Variants in RB1 observed in about 807,000 individuals in gnomAD.
RB1 encodes the protein retinoblastoma-associated protein.
RB1 carries 18 observed loss-of-function variants against 135.4 expected under a neutral mutation model. That is an observed-to-expected ratio of 0.13 (90% CI 0.09 to 0.20). The LOEUF (loss-of-function observed/expected upper bound fraction) is 0.20. RB1 is among the 10% of genes least tolerant of loss of function. The probability of loss-of-function intolerance (pLI) is 1.00; values close to 1 mark genes in which losing one functional copy is unlikely to be tolerated. For synonymous variants in RB1, 365 were observed against 373.2 expected, an observed-to-expected ratio of 0.98 and a Z score of 0.25; for missense variants, 868 against 1,110.0, an observed-to-expected ratio of 0.78 and a Z score of 3.10.
Position 48,307,401 on chromosome 13 carries a change from G to A in RB1, c.259G>A (p.Val87Ile), listed in dbSNP as rs543611480. The A allele has an allele frequency of 5.0e-6, 8 of 1,613,158 alleles. No homozygotes were observed. The Admixed American group carries it at 1.2e-4, about 24-fold the overall frequency. ...TWEKVSSVDG[V>I]LGGYIQKKKE... ...GGAGAAAGTTTCATCTGTGGATGGA[G>A]TATTGGTAAGGATTTTCTTAAAACG... The change falls in exon 2 of 27, where the codon GTA (valine) becomes ATA (isoleucine). Residue 87 changes from valine to isoleucine, a missense_variant. Val to Ile is a conservative substitution (Grantham distance 29). This residue lies in a region of RB1 where 641 missense variants were observed against 791.3 expected (regional missense o/e 0.81). Transcript: ENST00000267163.
chr13:48,447,103 A>G (rs1949293986), intron 17 of RB1, among the ~76,000 whole-genome samples: 1 of 152,236 alleles, frequency 6.6e-6, no homozygotes, highest in South Asian at 2.1e-4. Context: ...TTTAGAGCCA[A>G]TATGACTTGC....
Position 48,319,479 on chromosome 13 carries a change from A to AC in RB1, c.264+12077dup, listed in dbSNP as rs1357458435. ...TCTCAGGGCGCCAGCGCTCCTCTTG[A>AC]CCCCGCTTTTATTCTGTGGTGCTTC... On this transcript the variant is annotated intron_variant, in intron 2 of 26. Coordinates refer to ENST00000267163, the MANE Select transcript of RB1 (RefSeq NM_000321.3). The surrounding 1 kb of genome is among the most constrained non-coding windows in gnomAD (Gnocchi z 5.0). The AC allele has an allele frequency of 3.4e-6, 1 of 297,718 alleles. No individual in the cohort carries two copies. Among genetic ancestry groups the AC allele is most frequent in the East Asian group, 8.8e-5 (1 of 11,352 alleles). 18.4% of individuals were successfully genotyped at this position (297,718 alleles called of 1,614,324 possible).
chr13:48,367,998 A>T (rs962222048), intron 10 of RB1, among the ~76,000 whole-genome samples: 1 of 152,174 alleles, frequency 6.6e-6, no homozygotes, highest in African/African-American at 2.4e-5. Flanking sequence ...TATCATGTAG[A>T]AACCTAAAAT....
chr13:48,412,404 G>A (rs965471957), intron 17 of RB1: 5 of 1,613,806 alleles, frequency 3.1e-6, no homozygotes, highest in South Asian at 1.1e-5. Context: ...GAAGCAGTGG[G>A]AGCTGTTAAC....
At chr13:48,331,982 G>GA (rs1326092343) in intron 2 of RB1, among the ~76,000 whole-genome samples, 2 of 152,134 alleles carry the variant, frequency 1.3e-5, no homozygotes, top group Non-Finnish European at 2.9e-5. Context: ...AAACCCAGTT[G>GA]AAAAATCGCA....
intron 17 of RB1, among the ~76,000 whole-genome samples, chr13:48,417,896 G>C (rs1170598072): frequency 6.6e-6 from 1 of 152,182 alleles, no homozygotes; most frequent in Non-Finnish European, 1.5e-5. Flanking sequence ...CCAAACCTAT[G>C]TTTGATTGTC....
intron 17 of RB1, among the ~76,000 whole-genome samples, chr13:48,422,041 A>C (rs973497474): frequency 6.6e-6 from 1 of 152,158 alleles, no homozygotes; most frequent in South Asian, 2.1e-4. Context: ...GATTATAAAT[A>C]ATTCTAATAT....
intron 2 of RB1, among the ~76,000 whole-genome samples, chr13:48,340,073 A>G (rs1453417364): frequency 6.6e-6 from 1 of 152,168 alleles, no homozygotes; most frequent in Non-Finnish European, 1.5e-5. Context: ...TTCTCAACAA[A>G]TAATGCTGGA....
chr13:48,356,248 A>G (rs922713794), intron 6 of RB1, among the ~76,000 whole-genome samples: 1 of 152,056 alleles, frequency 6.6e-6, no homozygotes, highest in African/African-American at 2.4e-5. Flanking sequence ...AGATATCTTC[A>G]TATATACATT....
chr13:48,377,172 GT>G (rs1952835465), intron 13 of RB1, 138 bp downstream of exon 13: 2 of 877,648 alleles, frequency 2.3e-6, no homozygotes, highest in East Asian at 5.3e-5. Flanking sequence ...CCTGCTGCCT[GT>G]GTATGCTGCT....
chr13:48,317,925 T>A (rs1952200187), intron 2 of RB1: 1 of 420,176 alleles, frequency 2.4e-6, no homozygotes. Context: ...CCTGAACTTC[T>A]GAACTGCTCA....
chr13:48,376,813 C>T (rs1952829438), intron 12 of RB1, 105 bp from the exon 13 acceptor site: 14 of 1,555,484 alleles, frequency 9.0e-6, no homozygotes, highest in South Asian at 1.1e-5. Context: ...GAAGTGTTTC[C>T]ACATTTTTAT....
intron 2 of RB1, among the ~76,000 whole-genome samples, chr13:48,332,260 C>G (rs1952344220): frequency 6.6e-6 from 1 of 152,138 alleles, no homozygotes; most frequent in East Asian, 1.9e-4. Flanking sequence ...TCAAAGGGTA[C>G]AAACTTTCAG....
At chr13:48,355,033 C>T (rs1433866507) in intron 6 of RB1, among the ~76,000 whole-genome samples, 2 of 151,968 alleles carry the variant, frequency 1.3e-5, no homozygotes, top group Non-Finnish European at 2.9e-5. Context: ...CAATACCTCA[C>T]AAACACAGTC....
chr13:48,320,892 T>G (rs1952230157), intron 2 of RB1, among the ~76,000 whole-genome samples: 1 of 151,512 alleles, frequency 6.6e-6, no homozygotes. Flanking sequence ...CTGCAAATGC[T>G]TCTTTGCAGT....
At chr13:48,360,356 T>C (rs190122350) in intron 7 of RB1, 54 of 862,854 alleles carry the variant, frequency 6.3e-5, no homozygotes, top group Non-Finnish European at 3.5e-5. Flanking sequence ...AAATGGAGGT[T>C]TGGGAGACAA....
chr13:48,357,326 A>G (rs910039792), intron 6 of RB1, among the ~76,000 whole-genome samples: 5 of 151,178 alleles, frequency 3.3e-5, no homozygotes, highest in Non-Finnish European at 5.9e-5. Flanking sequence ...TATCTCAAGC[A>G]TTTTTTCCAT....
intron 23 of RB1, among the ~76,000 whole-genome samples, chr13:48,473,096 G>A (rs1252802672): frequency 6.6e-6 from 1 of 152,080 alleles, no homozygotes; most frequent in Non-Finnish European, 1.5e-5. Flanking sequence ...ACTTGCCTTT[G>A]CCCTCCCTAA....
chr13:48,316,437 G>A (rs914132720), intron 2 of RB1, among the ~76,000 whole-genome samples: 6 of 152,048 alleles, frequency 3.9e-5, no homozygotes, highest in Non-Finnish European at 5.9e-5. Context: ...AAACATCAGA[G>A]TCTCTGTGAA....
Sources: allele counts gnomAD v4.1 joint callset (sites outside exome capture counted in the v4.1 genomes callset), GRCh38; gene constraint gnomAD v4.1.1; regional missense constraint gnomAD v4.1.1; non-coding constraint Gnocchi (gnomAD v3.1); transcripts MANE v1.5; gene names NCBI Gene and HGNC (gene_info 2026-07-23, HGNC 2026-07-21).